TRAPPC6A: variants seen among roughly 807,000 people sequenced by gnomAD.
TRAPPC6A encodes trafficking protein particle complex subunit 6A, also known as TRAPP complex subunit 6A.
In TRAPPC6A, 25 loss-of-function variants were observed where a neutral mutation model predicts 20.8. That is an observed-to-expected ratio of 1.20 (90% CI 0.88 to 1.68). The LOEUF is 1.68. Among genes scored for constraint, TRAPPC6A ranks in the 40% most tolerant of loss-of-function variants. The pLI is 0.00. For synonymous variants in TRAPPC6A, 96 were observed against 93.3 expected, an observed-to-expected ratio of 1.03 and a Z score of -0.16; for missense variants, 215 against 211.6, an observed-to-expected ratio of 1.02 and a Z score of -0.10.
In TRAPPC6A at chr19:45,163,926, G is replaced by T; in HGVS notation, c.438C>A (p.Ala146=). 1 of 1,578,226 alleles carries T rather than the reference G, an allele frequency of 6.3e-7. No homozygotes were observed. The highest frequency in any genetic ancestry group is 2.3e-5 in the East Asian group (1 of 43,682). ...CCCCCCATGACTCACAGACGGGCAG[G>T]GCTGCCACGGAGGCGGTGACCACGC... is the stretch of plus-strand genomic sequence containing the variant. ...IESVVTASVA[A]LPVCKFQVVI... is the part of the protein sequence containing the mutation. Residue 146 remains alanine (A), a synonymous_variant, in exon 5 of 6, where the codon GCC becomes GCA. Transcript: ENST00000585934. This position sits in a 1 kb window ranked among gnomAD's most constrained non-coding sequence, Gnocchi z 5.3.
At chr19:45,174,465 G>A (rs547630038) in intron 1 of TRAPPC6A, among the ~76,000 whole-genome samples, 58 of 152,146 alleles carry the variant, frequency 3.8e-4, no homozygotes, top group East Asian at 1.5e-3. Flanking sequence ...GGCCCATCCC[G>A]CACAAAGTAC....
chr19:45,164,114 G>C (rs373138329), intron 4 of TRAPPC6A, 50 bp downstream of exon 4: 3 of 1,563,832 alleles, frequency 1.9e-6, no homozygotes, highest in South Asian at 1.2e-5. Flanking sequence ...GATGGGGCTG[G>C]GTAAACAGGA....
In TRAPPC6A at chr19:45,163,230, G is replaced by C. The variant is rs370760098; in HGVS notation, c.449-7C>G. 1.2e-6 allele frequency: 2 copies of C among 1,613,926 alleles called. No individual in the cohort carries two copies. The highest frequency in any genetic ancestry group is 3.3e-5 in the Admixed American group (2 of 60,004). ...ATCACCACCTGGAACTTACCTGGAA[G>C]AGAAGGCCTGGCTTAGGCTTGAGGA... On this transcript the variant is annotated splice_region_variant and splice_polypyrimidine_tract_variant and intron_variant, in intron 5 of 5. Coordinates refer to ENST00000585934, the MANE Select transcript of TRAPPC6A (RefSeq NM_001270891.2). This position sits in a 1 kb window ranked among gnomAD's most constrained non-coding sequence, Gnocchi z 5.3.
chr19:45,164,975 T>C lies in TRAPPC6A; in HGVS notation c.153-5A>G. Reference sequence around the variant, plus strand: ...GCCAGCGTCTCCCGGGGCAGCCTGGTGGGGCAGTACCAAGCTGAGGCCGTG... The same window carrying C: ...GCCAGCGTCTCCCGGGGCAGCCTGGCGGGGCAGTACCAAGCTGAGGCCGTG... On this transcript the variant is annotated splice_polypyrimidine_tract_variant and splice_region_variant and intron_variant, in intron 2 of 5. Transcript: ENST00000585934. The C allele has an allele frequency of 3.7e-6, 6 of 1,613,888 alleles. No individual in the cohort carries two copies. The highest frequency in any genetic ancestry group is 5.1e-6 in the Non-Finnish European group (6 of 1,179,874).
At chr19:45,176,346 C>T (rs1245009671) in intron 1 of TRAPPC6A, among the ~76,000 whole-genome samples, 1 of 151,636 alleles carries the variant, frequency 6.6e-6, no homozygotes, top group Non-Finnish European at 1.5e-5. Flanking sequence ...CACCTGTAGT[C>T]CCAACTACTC....
Position 45,163,967 on chromosome 19 carries a change from T to C in TRAPPC6A, c.397A>G (p.Thr133Ala). The change falls in exon 5 of 6, where the codon ACC becomes GCC. Residue 133 changes from threonine to alanine, a missense_variant. By Grantham distance (58) the Thr-to-Ala change is moderately conservative. Transcript: ENST00000585934. The surrounding 1 kb of genome is among the most constrained non-coding windows in gnomAD (Gnocchi z 5.3). ...GTGACCACGCTCTCAATGCCCAGGG[T>C]ATAGAGGGCGCCGCGCAGGAGGCCG... ...TCGLLRGALY[T>A]LGIESVVTAS... 6.4e-7 allele frequency: 1 copy of C among 1,564,182 alleles called. No individual in the cohort carries two copies. Among genetic ancestry groups the C allele is most frequent in the Non-Finnish European group, 8.7e-7 (1 of 1,154,594 alleles).
intron 1 of TRAPPC6A, among the ~76,000 whole-genome samples, chr19:45,177,721 G>A (rs577598507): frequency 6.6e-6 from 1 of 152,308 alleles, no homozygotes; most frequent in South Asian, 2.1e-4. Flanking sequence ...CGCTCAATAA[G>A]TGGGTGTCGA....
At chr19:45,174,223 TG>T (rs1969318851) in intron 1 of TRAPPC6A, among the ~76,000 whole-genome samples, 2 of 152,178 alleles carry the variant, frequency 1.3e-5, no homozygotes, top group Admixed American at 6.5e-5. Flanking sequence ...CCAACCTCTC[TG>T]GGTCATCAGA....
chr19:45,166,711 C>G (rs1220411118), intron 1 of TRAPPC6A, among the ~76,000 whole-genome samples: 3 of 152,106 alleles, frequency 2.0e-5, no homozygotes, highest in Non-Finnish European at 2.9e-5. Context: ...CTCACCCTCC[C>G]GCTGGCTGCT....
At position 45,171,299 on chromosome 19, in the gene TRAPPC6A, C is replaced by CACAAAACAAAACAAAACAAAACAAA. The variant is rs150712507; in HGVS notation, c.85-6130_85-6106dup. Among the ~76,000 whole-genome samples the CACAAAACAAAACAAAACAAAACAAA allele has an allele frequency of 7.1e-3, 1,061 of 149,924 alleles. 9 individuals carry two copies. Among genetic ancestry groups the CACAAAACAAAACAAAACAAAACAAA allele is most frequent in the African/African-American group, 0.019 (759 of 40,510 alleles). Reference sequence around the variant, plus strand: ...CCTGGGTGACAGAGCGAGACTCAGTCACAAAACAAAACAAAACAAAACAAA... The same window carrying CACAAAACAAAACAAAACAAAACAAA: ...CCTGGGTGACAGAGCGAGACTCAGTCACAAAACAAAACAAAACAAAACAAAACAAAACAAAACAAAACAAAACAAA... On this transcript the variant is annotated intron_variant, in intron 1 of 5. Coordinates refer to ENST00000585934, the MANE Select transcript of TRAPPC6A (RefSeq NM_001270891.2).
intron 1 of TRAPPC6A, among the ~76,000 whole-genome samples, chr19:45,177,110 A>G (rs1291972058): frequency 6.6e-6 from 1 of 152,200 alleles, no homozygotes; most frequent in Non-Finnish European, 1.5e-5. Context: ...GCTTGAGCCC[A>G]GGAGGTCGAG....
rs1969111776 is a variant in TRAPPC6A, at chr19:45,164,843, G to T, written c.270+10C>A. The T allele has an allele frequency of 1.9e-6, 3 of 1,612,062 alleles. No homozygotes were observed. Among genetic ancestry groups the T allele is most frequent in the Non-Finnish European group, 2.5e-6 (3 of 1,178,352 alleles). On this transcript the variant is annotated intron_variant, in intron 3 of 5. Transcript: ENST00000585934. The stretch of plus-strand genomic sequence containing the variant: ...GAGGAAGCTGGACGGGCAGGCCGGG[G>T]TGCTCCCACCTGGTGATTGGTGCGC...
At chr19:45,176,890 C>T (rs1004644013) in intron 1 of TRAPPC6A, among the ~76,000 whole-genome samples, 106 of 150,900 alleles carry the variant, frequency 7.0e-4, no homozygotes, top group African/African-American at 1.6e-3. Context: ...AAAAATTGGC[C>T]GGGTGCAGTG....
chr19:45,176,341 G>A (rs1456729843), intron 1 of TRAPPC6A, among the ~76,000 whole-genome samples: 1 of 151,708 alleles, frequency 6.6e-6, no homozygotes, highest in Admixed American at 6.6e-5. Flanking sequence ...GCAGGCACCT[G>A]TAGTCCCAAC....
intron 1 of TRAPPC6A, among the ~76,000 whole-genome samples, chr19:45,165,679 T>A (rs899619793): frequency 4.6e-5 from 7 of 152,108 alleles, no homozygotes; most frequent in Non-Finnish European, 8.8e-5. Flanking sequence ...TCATGCCTTA[T>A]AATATTGGCC....
rs1018198905 is a variant in TRAPPC6A, at chr19:45,169,762, G to A, written c.85-4568C>T. On this transcript the variant is annotated intron_variant, in intron 1 of 5. Transcript: ENST00000585934. The stretch of plus-strand genomic sequence containing the variant: ...CTCCCGTGTCACCTCCTCCCACAGC[G>A]AAGCTCCTGGAGGCAGGGCCCAGGC... 8.5e-5 allele frequency among the ~76,000 whole-genome samples: 13 copies of A among 152,142 alleles called. No individual in the cohort carries two copies. In the South Asian group the frequency reaches 2.1e-3, roughly 24 times the overall value.
At chr19:45,166,312 T>G (rs896354809) in intron 1 of TRAPPC6A, among the ~76,000 whole-genome samples, 10 of 151,904 alleles carry the variant, frequency 6.6e-5, no homozygotes, top group Admixed American at 2.0e-4. Flanking sequence ...GTTCAAACAA[T>G]TCTCCTGCCT....
chr19:45,173,677 T>C lies in TRAPPC6A; in HGVS notation c.84+4458A>G, dbSNP rs1377231172. 6.6e-6 allele frequency among the ~76,000 whole-genome samples: 1 copy of C among 152,174 alleles called. No homozygotes were observed. The highest frequency in any genetic ancestry group is 2.4e-5 in the African/African-American group (1 of 41,488). Reference sequence around the variant, plus strand: ...GCCTGTCTGGTTCAGAGGAACCCTTTTGGGCCAAAGAGAAGGAATGGAGAG... The same window carrying C: ...GCCTGTCTGGTTCAGAGGAACCCTTCTGGGCCAAAGAGAAGGAATGGAGAG... On this transcript the variant is annotated intron_variant, in intron 1 of 5. Coordinates refer to ENST00000585934, the MANE Select transcript of TRAPPC6A (RefSeq NM_001270891.2). The surrounding 1 kb of genome is among the most constrained non-coding windows in gnomAD (Gnocchi z 4.8).
At chr19:45,166,243 T>G (rs1316677962) in intron 1 of TRAPPC6A, among the ~76,000 whole-genome samples, 2 of 149,324 alleles carry the variant, frequency 1.3e-5, no homozygotes, top group Non-Finnish European at 3.0e-5. Context: ...AGTCTCACTC[T>G]GTTGCCTAGG....
Sources: allele counts gnomAD v4.1 joint callset (sites outside exome capture counted in the v4.1 genomes callset), GRCh38; gene constraint gnomAD v4.1.1; non-coding constraint Gnocchi (gnomAD v3.1); transcripts MANE v1.5; gene names NCBI Gene and HGNC (gene_info 2026-07-23, HGNC 2026-07-21).